Variants in DOCK5 observed in about 807,000 individuals in gnomAD.
DOCK5 encodes the protein dedicator of cytokinesis protein 5.
A neutral mutation model predicts 251.8 loss-of-function variants in DOCK5; 142 were observed. The observed-to-expected ratio is 0.56, with a 90% CI of 0.49 to 0.65. The LOEUF (loss-of-function observed/expected upper bound fraction) is 0.65. Among genes scored for constraint, DOCK5 ranks in the 30% least tolerant of loss-of-function variants. DOCK5 has a pLI of 0.00. For missense variants in DOCK5, 2,111 were observed against 2,312.3 expected (o/e 0.91, Z 1.79); for synonymous variants, 842 against 835.5 (o/e 1.01, Z -0.13).
intron 1 of DOCK5, among the ~76,000 whole-genome samples, chr8:25,235,518 G>A (rs1483519277): frequency 6.6e-6 from 1 of 152,018 alleles, no homozygotes; most frequent in Non-Finnish European, 1.5e-5. Context: ...TCAGCCTCCC[G>A]AAATGCTGGG....
At chr8:25,227,182 C>T (rs533904340) in intron 1 of DOCK5, among the ~76,000 whole-genome samples, 8 of 152,180 alleles carry the variant, frequency 5.3e-5, no homozygotes, top group Non-Finnish European at 1.0e-4. Flanking sequence ...TCCAGAGCAG[C>T]TCACGTTCAC....
intron 6 of DOCK5, 74 bp from the exon 7 acceptor site, chr8:25,296,439 T>C: frequency 6.5e-7 from 1 of 1,539,140 alleles, no homozygotes; most frequent in Non-Finnish European, 8.8e-7. Context: ...TCCTCTGGGC[T>C]CCTTGACAAG....
At chr8:25,228,727 A>AT (rs113103851) in intron 1 of DOCK5, among the ~76,000 whole-genome samples, 12,937 of 32,368 alleles carry the variant, frequency 0.4, 1,490 homozygotes, top group African/African-American at 0.56. Flanking sequence ...ATTTTAAACT[A>AT]TTTTTAACCT....
chr8:25,219,430 G>A (rs1454952139), intron 1 of DOCK5, among the ~76,000 whole-genome samples: 2 of 151,852 alleles, frequency 1.3e-5, no homozygotes, highest in Admixed American at 6.6e-5. Context: ...GCTATCATCC[G>A]AGACCTCCTG....
rs1476145307 is a variant in DOCK5 at position 25,334,100 on chromosome 8, T to C, written c.2096T>C (p.Phe699Ser). ...YDFLVFDALV[F>S]IISLIGDIKF... ...TCTATTTTTCACTTTTGGCAGGTAT[T>C]TATTATTTCACTGATAGGAGACATC... The change falls in exon 21 of 52, where the codon TTT (phenylalanine) becomes TCT (serine). Residue 699 changes from phenylalanine to serine, a missense_variant. Physicochemically the swap from Phe to Ser is radical, Grantham distance 155. This residue lies in a region of DOCK5 where 1,717 missense variants were observed against 1,892.4 expected (regional missense o/e 0.91). Coordinates refer to ENST00000276440, the MANE Select transcript of DOCK5 (RefSeq NM_024940.8). The C allele has an allele frequency of 6.2e-7, 1 of 1,613,160 alleles. No homozygotes were observed. Among genetic ancestry groups the C allele is most frequent in the East Asian group, 2.2e-5 (1 of 44,860 alleles).
Position 25,304,294 on chromosome 8 carries a change from A to G in DOCK5, c.1016A>G (p.Asp339Gly). 1.2e-6 allele frequency: 2 copies of G among 1,611,118 alleles called. No homozygotes were observed. The highest frequency in any genetic ancestry group is 1.7e-6 in the Non-Finnish European group (2 of 1,178,778). ...GATATCATACATGGGAAGGTGGATG[A>G]TGAAGAAAAGCAGCATTTTATTCCC... is the stretch of plus-strand genomic sequence containing the variant. ...ITDIIHGKVD[D>G]EEKQHFIPFQ... The change falls in exon 11 of 52, where the codon GAT (aspartate) becomes GGT (glycine). Residue 339 changes from aspartate (D) to glycine (G), a missense_variant. By Grantham distance (94) the Asp-to-Gly change is moderately conservative (BLOSUM62 -1). Around this residue, in one of 3 missense-constraint regions of DOCK5, gnomAD observed 1,717 missense variants for 1,892.4 expected, o/e 0.91. Coordinates refer to ENST00000276440, the MANE Select transcript of DOCK5 (RefSeq NM_024940.8).
intron 22 of DOCK5, among the ~76,000 whole-genome samples, chr8:25,337,837 G>A (rs372219551): frequency 1.3e-5 from 2 of 151,776 alleles, no homozygotes; most frequent in Non-Finnish European, 1.5e-5. Context: ...CCCCCGCCTC[G>A]GCCTCCGAAA....
Position 25,381,553 on chromosome 8 carries a change from G to C in DOCK5, c.4027-1121G>C, listed in dbSNP as rs190398276. 1.6e-3 allele frequency among the ~76,000 whole-genome samples: 243 copies of C among 152,086 alleles called. 1 individual carries two copies. Among genetic ancestry groups the C allele is most frequent in the Admixed American group, 0.011 (170 of 15,284 alleles). ...TGAAGTGGGAGGATCACCTGAGCCT[G>C]GGAGGTCAAGGCTGCAGTGAACTGT... is the stretch of plus-strand genomic sequence containing the variant. On this transcript the variant is annotated intron_variant, in intron 39 of 51. Transcript: ENST00000276440.
intron 2 of DOCK5, among the ~76,000 whole-genome samples, chr8:25,256,001 T>G (rs991741903): frequency 6.6e-6 from 1 of 152,168 alleles, no homozygotes; most frequent in Admixed American, 6.5e-5. Context: ...AACTTGTGTT[T>G]TATTGATGGG....
intron 1 of DOCK5, among the ~76,000 whole-genome samples, chr8:25,221,244 A>G (rs1024022123): frequency 3.3e-5 from 5 of 152,236 alleles, no homozygotes; most frequent in Non-Finnish European, 7.3e-5. Context: ...TATTAGATCA[A>G]AGAATTAAAA....
rs769493499 is a variant in DOCK5 at position 25,317,138 on chromosome 8, G to A, written c.1443+7G>A. ...GGAGGGCAAGCTCTTGGAGGTGCGC[G>A]GCATGGCCCAGAAATCCTGCTACCA... On this transcript the variant is annotated splice_region_variant and intron_variant, in intron 14 of 51. Transcript: ENST00000276440. 21 of 1,611,730 alleles carry A rather than the reference G, an allele frequency of 1.3e-5. No individual in the cohort carries two copies. Among genetic ancestry groups the A allele is most frequent in the Admixed American group, 3.3e-5 (2 of 59,888 alleles).
chr8:25,384,111 G>A (rs570925355), intron 40 of DOCK5, among the ~76,000 whole-genome samples: 4 of 152,322 alleles, frequency 2.6e-5, no homozygotes, highest in African/African-American at 9.6e-5. Context: ...GTCAGCTCCT[G>A]ATACACACAA....
At chr8:25,255,102 A>C (rs979900129) in intron 2 of DOCK5, among the ~76,000 whole-genome samples, 1 of 152,208 alleles carries the variant, frequency 6.6e-6, no homozygotes, top group African/African-American at 2.4e-5. Context: ...TTCATTGCTG[A>C]TGGGAATGCA....
At chr8:25,341,383 A>G (rs1805951541) in intron 23 of DOCK5, among the ~76,000 whole-genome samples, 1 of 152,186 alleles carries the variant, frequency 6.6e-6, no homozygotes, top group Admixed American at 6.5e-5. Context: ...TGAAATATAT[A>G]ATCCCTGAAG....
intron 30 of DOCK5, among the ~76,000 whole-genome samples, chr8:25,366,353 T>A (rs1181247400): frequency 6.6e-6 from 1 of 152,074 alleles, no homozygotes; most frequent in African/African-American, 2.4e-5. Context: ...TAGCTAGGCC[T>A]GGTAGTGGGT....
intron 1 of DOCK5, among the ~76,000 whole-genome samples, chr8:25,187,296 T>A (rs1280953043): frequency 6.7e-6 from 1 of 148,672 alleles, no homozygotes. Flanking sequence ...TGTATATACA[T>A]ATATATGTAT....
chr8:25,368,864 A>T, intron 33 of DOCK5, 139 bp downstream of exon 33: 1 of 1,041,124 alleles, frequency 9.6e-7, no homozygotes, highest in Non-Finnish European at 1.3e-6. Context: ...ATTTCATTTT[A>T]TAAAGCAATT....
At chr8:25,354,222 G>A (rs150232238) in intron 27 of DOCK5, among the ~76,000 whole-genome samples, 3 of 152,104 alleles carry the variant, frequency 2.0e-5, no homozygotes, top group African/African-American at 7.2e-5. Context: ...AAACAGGATT[G>A]AAGAACATTG....
intron 5 of DOCK5, among the ~76,000 whole-genome samples, chr8:25,279,608 A>G (rs1455837136): frequency 3.3e-5 from 5 of 151,408 alleles, no homozygotes; most frequent in Non-Finnish European, 7.4e-5. Flanking sequence ...ATCCACAAAG[A>G]CTTTTTATTT....
Sources: gnomAD v4.1 joint callset for allele counts (sites outside exome capture counted in the v4.1 genomes callset) on GRCh38, gnomAD v4.1.1 for gene constraint, gnomAD v4.1.1 regional missense constraint, MANE v1.5 for transcripts, NCBI Gene and HGNC (gene_info 2026-07-23, HGNC 2026-07-21) for gene names.